CADM2: variants seen among roughly 807,000 people sequenced by gnomAD.
The protein encoded by CADM2 is cell adhesion molecule 2.
A neutral mutation model predicts 49.8 loss-of-function variants in CADM2; 12 were observed. The observed-to-expected ratio is 0.24, with a 90% confidence interval of 0.15 to 0.39. CADM2 has a LOEUF of 0.39. Among genes scored for constraint, CADM2 ranks in the 10% least tolerant of loss-of-function variants. CADM2 has a pLI of 1.00. For missense variants in CADM2, 378 were observed against 492.3 expected, an observed-to-expected ratio of 0.77 and a Z score of 2.20; for synonymous variants, 214 against 175.4, an observed-to-expected ratio of 1.22 and a Z score of -1.74.
intron 1 of CADM2, among the ~76,000 whole-genome samples, chr3:85,366,265 CTT>C (rs1010593293): frequency 6.6e-6 from 1 of 152,114 alleles, no homozygotes; most frequent in Non-Finnish European, 1.5e-5. Context: ...GCATTGCCAA[CTT>C]TAGGATTTTT....
chr3:85,971,850 T>C (rs912743259), intron 8 of CADM2, among the ~76,000 whole-genome samples: 1 of 151,704 alleles, frequency 6.6e-6, no homozygotes, highest in South Asian at 2.1e-4. Flanking sequence ...TGTAATTACA[T>C]AGAACTGACA....
At chr3:85,575,254 C>G (rs2107265607) in intron 1 of CADM2, among the ~76,000 whole-genome samples, 1 of 152,288 alleles carries the variant, frequency 6.6e-6, no homozygotes, top group South Asian at 2.1e-4. Context: ...CAAAAATATA[C>G]TCTTTAAAAT....
At chr3:85,843,776 C>T (rs1472633850) in intron 3 of CADM2, among the ~76,000 whole-genome samples, 4 of 152,002 alleles carry the variant, frequency 2.6e-5, no homozygotes, top group African/African-American at 9.7e-5. Context: ...ACAACAGAAG[C>T]TAAAACACCA....
intron 1 of CADM2, among the ~76,000 whole-genome samples, chr3:85,559,159 A>G (rs1039946947): frequency 6.6e-6 from 1 of 152,066 alleles, no homozygotes; most frequent in East Asian, 1.9e-4. Context: ...ATCTTGTGAT[A>G]TACTATAAAT....
intron 1 of CADM2, among the ~76,000 whole-genome samples, chr3:85,352,428 G>GA (rs1250820866): frequency 1.3e-5 from 2 of 151,986 alleles, no homozygotes; most frequent in African/African-American, 4.8e-5. Context: ...TGTTATCGGT[G>GA]AAAAAAACCA....
chr3:85,912,896 T>C (rs113487555), intron 6 of CADM2, among the ~76,000 whole-genome samples: 36 of 152,278 alleles, frequency 2.4e-4, no homozygotes, highest in African/African-American at 8.7e-4. Flanking sequence ...CAGTGTTATA[T>C]TAAAATAACT....
intron 3 of CADM2, among the ~76,000 whole-genome samples, chr3:85,818,400 G>A (rs1036300927): frequency 6.6e-6 from 1 of 152,138 alleles, no homozygotes; most frequent in African/African-American, 2.4e-5. Flanking sequence ...AAGTGAGAGG[G>A]GGAAGCCAGC....
chr3:85,032,216 T>G (rs1477706850), intron 1 of CADM2, among the ~76,000 whole-genome samples: 1 of 46,462 alleles, frequency 2.2e-5, no homozygotes, highest in African/African-American at 1.3e-4. Flanking sequence ...CAGTTACTGG[T>G]TTTTTTTTTT....
chr3:85,437,648 A>G (rs2036994014), intron 1 of CADM2, among the ~76,000 whole-genome samples: 1 of 152,008 alleles, frequency 6.6e-6, no homozygotes, highest in African/African-American at 2.4e-5. Context: ...CTACATAACC[A>G]ACATGTTTTT....
chr3:85,729,391 G>T (rs2067840661), intron 2 of CADM2, among the ~76,000 whole-genome samples: 2 of 152,050 alleles, frequency 1.3e-5, no homozygotes, highest in Non-Finnish European at 1.5e-5. Flanking sequence ...AGACAATTGT[G>T]TACCTGCAAC....
intron 1 of CADM2, among the ~76,000 whole-genome samples, chr3:85,389,844 C>A (rs1380827317): frequency 6.6e-6 from 1 of 152,004 alleles, no homozygotes; most frequent in Non-Finnish European, 1.5e-5. Flanking sequence ...TTGCAAAGTA[C>A]GTTGACAATA....
Position 85,674,199 on chromosome 3 carries a change from G to A in CADM2, c.62-52323G>A, listed in dbSNP as rs138783386. On this transcript the variant is annotated intron_variant, in intron 1 of 9. Transcript: ENST00000383699. Reference sequence around the variant, plus strand: ...AGAACTGTATTAAATACATGTAAACGCACATATAAACTTGAAATAAATATG... The same window carrying A: ...AGAACTGTATTAAATACATGTAAACACACATATAAACTTGAAATAAATATG... Among the ~76,000 whole-genome samples, 492 of 152,158 alleles carry A rather than the reference G, an allele frequency of 3.2e-3. 1 individual carries two copies. Among genetic ancestry groups the A allele is most frequent in the Non-Finnish European group, 4.4e-3 (297 of 67,970 alleles).
intron 1 of CADM2, among the ~76,000 whole-genome samples, chr3:85,371,677 G>GTGTGTGTGTGTGTGTATA: frequency 1.1e-5 from 1 of 95,134 alleles, no homozygotes; most frequent in African/African-American, 4.4e-5. Flanking sequence ...GTGTGTGTGT[G>GTGTGTGTGTGTGTGTATA]TATATATATA....
intron 1 of CADM2, among the ~76,000 whole-genome samples, chr3:85,354,259 GAAAT>G (rs908346514): frequency 7.1e-6 from 1 of 141,538 alleles, no homozygotes. Context: ...TTCATATGTC[GAAAT>G]AAATCATATC....
intron 1 of CADM2, among the ~76,000 whole-genome samples, chr3:85,280,947 A>C (rs1193242538): frequency 6.6e-6 from 1 of 151,922 alleles, no homozygotes; most frequent in Non-Finnish European, 1.5e-5. Context: ...AAAGAATTGC[A>C]AGAAAGAAAA....
intron 1 of CADM2, among the ~76,000 whole-genome samples, chr3:85,313,712 C>T (rs1185847831): frequency 1.3e-5 from 2 of 152,086 alleles, no homozygotes; most frequent in Non-Finnish European, 2.9e-5. Context: ...TACATTAGCC[C>T]TCATGTTCTG....
Position 85,997,716 on chromosome 3 carries a change from T to C in CADM2, c.970+36069T>C, listed in dbSNP as rs568518739. ...TCACGTTTCCTACACAATTCATTTTTAGTTCTTTGTTTTTCATGCATTTCT... is the reference window on the plus strand; with the variant it reads ...TCACGTTTCCTACACAATTCATTTTCAGTTCTTTGTTTTTCATGCATTTCT... On this transcript the variant is annotated intron_variant, in intron 8 of 9. Transcript: ENST00000383699. Among the ~76,000 whole-genome samples, 3 of 152,310 alleles carry C rather than the reference T, an allele frequency of 2.0e-5. No individual in the cohort carries two copies. The East Asian group carries it at 5.8e-4, about 29-fold the overall frequency.
chr3:85,614,851 G>A (rs1357178222), intron 1 of CADM2, among the ~76,000 whole-genome samples: 1 of 151,906 alleles, frequency 6.6e-6, no homozygotes, highest in East Asian at 1.9e-4. Flanking sequence ...CTGTTATTGT[G>A]TTGACATATT....
At chr3:85,133,802 G>A (rs1311253490) in intron 1 of CADM2, among the ~76,000 whole-genome samples, 1 of 152,236 alleles carries the variant, frequency 6.6e-6, no homozygotes, top group African/African-American at 2.4e-5. Context: ...GCTTCACCCA[G>A]TGGATCCCTC....
Sources: gnomAD v4.1 joint callset for allele counts (sites outside exome capture counted in the v4.1 genomes callset) on GRCh38, gnomAD v4.1.1 for gene constraint, MANE v1.5 for transcripts, NCBI Gene and HGNC (gene_info 2026-07-23, HGNC 2026-07-21) for gene names.